The following HSD17B4 variants were observed in gnomAD, a reference collection of about 807,000 sequenced individuals.
HSD17B4 encodes the protein peroxisomal multifunctional enzyme type 2.
HSD17B4 carries 70 observed loss-of-function variants against 101.0 expected under a neutral mutation model. That is an observed-to-expected ratio of 0.69 (90% CI 0.57 to 0.85). The LOEUF (loss-of-function observed/expected upper bound fraction) is 0.85, where lower values mean the gene tolerates loss of function less well. HSD17B4 is among the 40% of genes least tolerant of loss of function. HSD17B4 has a pLI of 0.00. For missense variants in HSD17B4, 984 were observed against 892.4 expected, an observed-to-expected ratio of 1.10 and a Z score of -1.31; for synonymous variants, 347 against 297.1, an observed-to-expected ratio of 1.17 and a Z score of -1.73.
intron 14 of HSD17B4, among the ~76,000 whole-genome samples, chr5:119,503,788 AATTTTAACTTTTATTTTAGATTCAGGAGG>A (rs1751410397): frequency 6.6e-6 from 1 of 151,498 alleles, no homozygotes; most frequent in East Asian, 1.9e-4. Context: ...TTTAAAAAAG[AATTTTAACTTTTATTTTAGATTCAGGAGG>A]TACCTGTGCA....
rs546653967 is a variant in HSD17B4, at chr5:119,525,968, G to A, written c.1625G>A (p.Arg542Lys). 1.8e-4 allele frequency: 288 copies of A among 1,612,174 alleles called. 3 individuals carry two copies. In the South Asian group the frequency reaches 2.9e-3, roughly 16 times the overall value. The change falls in exon 19 of 24, where the codon AGG (arginine) becomes AAG (lysine). Residue 542 changes from arginine to lysine, a missense_variant. Arg to Lys is a conservative substitution (Grantham distance 26). Coordinates refer to ENST00000510025, the MANE Select transcript of HSD17B4 (RefSeq NM_000414.4). Reference sequence around the variant, plus strand: ...TTATGTACATTTGGATTTTCTGCCAGGCGTGTGTTACAGCAGTTTGCAGAT... The same window carrying A: ...TTATGTACATTTGGATTTTCTGCCAAGCGTGTGTTACAGCAGTTTGCAGAT... ...HGLCTFGFSA[R>K]RVLQQFADND...
At chr5:119,460,453 T>C (rs922670855) in intron 2 of HSD17B4, among the ~76,000 whole-genome samples, 1 of 152,230 alleles carries the variant, frequency 6.6e-6, no homozygotes, top group African/African-American at 2.4e-5. Flanking sequence ...TCCATGACTA[T>C]CACCAATCTG....
chr5:119,471,091 G>A (rs1343646197), intron 2 of HSD17B4, among the ~76,000 whole-genome samples: 1 of 152,058 alleles, frequency 6.6e-6, no homozygotes, highest in Non-Finnish European at 1.5e-5. Flanking sequence ...TAAGTATCAC[G>A]TTTTCTAATT....
chr5:119,502,010 T>G (rs959095856), intron 13 of HSD17B4, 31 bp from the exon 14 acceptor site: 3 of 1,421,824 alleles, frequency 2.1e-6, no homozygotes, highest in Non-Finnish European at 2.0e-6. Context: ...CAAGAAAGTT[T>G]GCTAATAAAA....
chr5:119,477,082 G>A (rs1580556243), intron 6 of HSD17B4, among the ~76,000 whole-genome samples: 1 of 152,182 alleles, frequency 6.6e-6, no homozygotes, highest in East Asian at 1.9e-4. Context: ...AGTGTTGGGT[G>A]CCAGTTATAT....
intron 2 of HSD17B4, among the ~76,000 whole-genome samples, chr5:119,462,989 C>G (rs964713822): frequency 1.5e-4 from 23 of 152,162 alleles, no homozygotes; most frequent in African/African-American, 4.8e-4. Context: ...GTTAATCAAT[C>G]TCTTCCTATT....
rs2126681934 is a variant in HSD17B4, at chr5:119,473,802, A to C, written c.113-106A>C. ...AGGGTAGGAAGGAACTGGGCAGATG[A>C]CTGAAGAGATGTGCTAGTAATTAGA... On this transcript the variant is annotated intron_variant, in intron 2 of 23. Transcript: ENST00000510025. The C allele has an allele frequency of 2.7e-6, 2 of 749,338 alleles. 1 individual carries two copies. Among genetic ancestry groups the C allele is most frequent in the South Asian group, 2.9e-5 (2 of 68,186 alleles). 46.4% of individuals were successfully genotyped at this position (749,338 alleles called of 1,614,324 possible).
At chr5:119,512,921 C>T (rs1410335586) in intron 16 of HSD17B4, among the ~76,000 whole-genome samples, 2 of 152,152 alleles carry the variant, frequency 1.3e-5, no homozygotes, top group Admixed American at 1.3e-4. Flanking sequence ...GGTTGGACAA[C>T]TCTATGAATA....
intron 10 of HSD17B4, 29 bp from the exon 11 acceptor site, chr5:119,493,789 C>T: frequency 6.2e-7 from 1 of 1,605,906 alleles, no homozygotes; most frequent in South Asian, 1.1e-5. Context: ...ACTATGTGCT[C>T]AGTATGTTAG....
intron 23 of HSD17B4, among the ~76,000 whole-genome samples, chr5:119,537,475 C>T (rs1386120085): frequency 6.6e-6 from 1 of 152,106 alleles, no homozygotes; most frequent in Non-Finnish European, 1.5e-5. Context: ...AGTGAACCCT[C>T]TGTTAATTTC....
intron 16 of HSD17B4, among the ~76,000 whole-genome samples, chr5:119,511,917 C>T (rs1009673057): frequency 1.3e-5 from 2 of 152,072 alleles, no homozygotes; most frequent in Non-Finnish European, 2.9e-5. Context: ...ACAGAAACTG[C>T]CTTTGAGAGA....
At chr5:119,472,453 G>C (rs1032283558) in intron 2 of HSD17B4, 17 of 148,916 alleles carry the variant, frequency 1.1e-4, no homozygotes, top group African/African-American at 4.2e-4. Flanking sequence ...TTTTTTTTGA[G>C]ACAGAGTTTC....
At chr5:119,523,624 C>T (rs761712113) in intron 17 of HSD17B4, among the ~76,000 whole-genome samples, 25 of 151,976 alleles carry the variant, frequency 1.6e-4, no homozygotes, top group Admixed American at 4.6e-4. Flanking sequence ...CATATTAATA[C>T]GATTTCTTCA....
rs1751690762 is a variant in HSD17B4 at position 119,506,798 on chromosome 5, TCTTTTA to T, written c.1262-14_1262-9del. 7.1e-7 allele frequency: 1 copy of T among 1,399,964 alleles called. No individual in the cohort carries two copies. Among genetic ancestry groups the T allele is most frequent in the Non-Finnish European group, 1.0e-6 (1 of 987,094 alleles). The allele number at this position is 1,399,964 out of a possible 1,614,324, so 86.7% of individuals were successfully genotyped here. On this transcript the variant is annotated splice_polypyrimidine_tract_variant and intron_variant, in intron 14 of 23. Coordinates refer to ENST00000510025, the MANE Select transcript of HSD17B4 (RefSeq NM_000414.4). Reference sequence around the variant, plus strand: ...TCTTTGGTTTTTAAGACACTGTATTTCTTTTACTTTTCTTTCTAGGAAAATTAAAAT... The same window carrying T: ...TCTTTGGTTTTTAAGACACTGTATTTCTTTTCTTTCTAGGAAAATTAAAAT...
intron 2 of HSD17B4, among the ~76,000 whole-genome samples, chr5:119,462,525 G>A (rs1427860996): frequency 6.6e-6 from 1 of 151,798 alleles, no homozygotes; most frequent in Non-Finnish European, 1.5e-5. Context: ...GTACATAGTA[G>A]TTTTATTGAA....
chr5:119,475,540 C>CT, intron 4 of HSD17B4, 166 bp from the exon 5 acceptor site: 1 of 592,180 alleles, frequency 1.7e-6, no homozygotes, highest in Non-Finnish European at 3.0e-6. Context: ...TGTGAGTCAA[C>CT]TTTTTTTGAT....
intron 17 of HSD17B4, among the ~76,000 whole-genome samples, chr5:119,517,140 C>A (rs928528089): frequency 6.6e-6 from 1 of 152,062 alleles, no homozygotes; most frequent in Non-Finnish European, 1.5e-5. Context: ...CTGCGCGCGG[C>A]GCTCGCAGGC....
intron 23 of HSD17B4, among the ~76,000 whole-genome samples, chr5:119,536,974 C>T (rs1441970239): frequency 2.0e-5 from 3 of 151,992 alleles, no homozygotes; most frequent in Admixed American, 1.3e-4. Context: ...CAGAAGAGTG[C>T]CTTCTGTGAC....
rs1748330015 is a variant in HSD17B4, at chr5:119,474,083, C to A, written c.220+68C>A. The stretch of plus-strand genomic sequence containing the variant: ...TAATGCTATTTGTCACATTAATAAT[C>A]TTTGAGCAAATATCTCAGTATTCCA... On this transcript the variant is annotated intron_variant, in intron 3 of 23. Coordinates refer to ENST00000510025, the MANE Select transcript of HSD17B4 (RefSeq NM_000414.4). 3.3e-6 allele frequency: 3 copies of A among 902,182 alleles called. No homozygotes were observed. The South Asian group carries it at 4.2e-5, about 13-fold the overall frequency. 55.9% of individuals were successfully genotyped at this position (902,182 alleles called of 1,614,324 possible).
Sources: allele counts gnomAD v4.1 joint callset (sites outside exome capture counted in the v4.1 genomes callset), GRCh38; gene constraint gnomAD v4.1.1; transcripts MANE v1.5; gene names NCBI Gene and HGNC (gene_info 2026-07-23, HGNC 2026-07-21).